Variants in MED26 observed in about 807,000 individuals in gnomAD.
MED26 encodes the protein mediator of RNA polymerase II transcription subunit 26.
Under a neutral mutation model 43.7 loss-of-function variants are expected in MED26, and 7 were observed. The ratio of observed to expected loss-of-function variants is 0.16; its 90% CI spans 0.09 to 0.30. The LOEUF is 0.30. Ranked by LOEUF, MED26 falls within the 10% of genes least tolerant of loss-of-function variation. MED26 has a pLI of 1.00. For synonymous variants in MED26, 375 were observed against 371.1 expected (o/e 1.01, Z -0.12); for missense variants, 784 against 840.6 (o/e 0.93, Z 0.83).
chr19:16,583,819 T>G (rs1305104723), intron 1 of MED26, among the ~76,000 whole-genome samples: 2 of 152,186 alleles, frequency 1.3e-5, no homozygotes, highest in African/African-American at 2.4e-5. Context: ...AACATTAATC[T>G]CGTCCTTCTG....
chr19:16,585,365 C>T (rs977839380), intron 1 of MED26, among the ~76,000 whole-genome samples: 6 of 152,168 alleles, frequency 3.9e-5, no homozygotes, highest in African/African-American at 1.4e-4. Context: ...GAGCCCAGGA[C>T]AGCCACCACC....
chr19:16,618,105 G>A (rs1161851884), intron 1 of MED26, among the ~76,000 whole-genome samples: 1 of 152,186 alleles, frequency 6.6e-6, no homozygotes, highest in East Asian at 1.9e-4. Context: ...CGGTTACCCA[G>A]AGGGGAGGCA....
intron 1 of MED26, among the ~76,000 whole-genome samples, chr19:16,590,557 C>A (rs1017848988): frequency 6.6e-6 from 1 of 152,200 alleles, no homozygotes; most frequent in African/African-American, 2.4e-5. Context: ...CTTTTCATTT[C>A]TGGCCTTGTA....
chr19:16,622,251 C>T (rs1443755121), intron 1 of MED26, among the ~76,000 whole-genome samples: 1 of 152,310 alleles, frequency 6.6e-6, no homozygotes. Context: ...CCCTGACTGC[C>T]GAGCCCACAT....
At chr19:16,590,207 G>T (rs2122400809) in intron 1 of MED26, among the ~76,000 whole-genome samples, 1 of 152,320 alleles carries the variant, frequency 6.6e-6, no homozygotes, top group African/African-American at 2.4e-5. Context: ...GCAGGGCACT[G>T]GGGTCTTGCC....
At chr19:16,626,456 A>C (rs942137162) in intron 1 of MED26, among the ~76,000 whole-genome samples, 1 of 152,212 alleles carries the variant, frequency 6.6e-6, no homozygotes, top group Non-Finnish European at 1.5e-5. Context: ...AAAATGTACA[A>C]TATAACATTT....
chr19:16,626,841 T>C (rs1245332540), intron 1 of MED26, among the ~76,000 whole-genome samples: 1 of 152,088 alleles, frequency 6.6e-6, no homozygotes, highest in Non-Finnish European at 1.5e-5. Context: ...CCTACCGCCC[T>C]GCTCCTGCCG....
Position 16,575,375 on chromosome 19 carries a change from T to A in MED26, c.*652A>T, listed in dbSNP as rs976909330. The A allele has an allele frequency of 1.3e-5, 2 of 152,666 alleles. No homozygotes were observed. The highest frequency in any genetic ancestry group is 3.8e-4 in the East Asian group (2 of 5,198). The allele number at this position is 152,666 out of a possible 1,614,324, so 9.5% of individuals were successfully genotyped here. ...CAGCATTTCTTTAAAAACTGGGTTA[T>A]AACTGAAACCAGATATAAACAGGTG... On this transcript the variant is annotated 3_prime_UTR_variant, in exon 3 of 3. Coordinates refer to ENST00000263390, the MANE Select transcript of MED26 (RefSeq NM_004831.5).
Position 16,577,808 on chromosome 19 carries a change from G to A in MED26, c.148-126C>T. On this transcript the variant is annotated intron_variant, in intron 2 of 2. Coordinates refer to ENST00000263390, the MANE Select transcript of MED26 (RefSeq NM_004831.5). The surrounding 1 kb of genome is among the most constrained non-coding windows in gnomAD (Gnocchi z 8.1). ...GTTCCCACTGAGCCCTAAACTGCCA[G>A]CTTCCCTGACACAAAACTTCTGGGG... is the stretch of plus-strand genomic sequence containing the variant. 1.5e-6 allele frequency: 1 copy of A among 656,164 alleles called. No homozygotes were observed. Among genetic ancestry groups the A allele is most frequent in the Non-Finnish European group, 2.5e-6 (1 of 400,546 alleles). The allele number at this position is 656,164 out of a possible 1,614,324, so 40.6% of individuals were successfully genotyped here. A position where few individuals can be genotyped will look rare whatever the true frequency, so the allele number is the denominator to read the frequency against.
intron 1 of MED26, chr19:16,597,586 G>A (rs953839268): frequency 5.0e-6 from 2 of 396,894 alleles, no homozygotes; most frequent in Non-Finnish European, 8.9e-6. Context: ...CACCAACACG[G>A]TCCTGAGTTC....
chr19:16,627,084 G>A (rs1467347845), intron 1 of MED26, among the ~76,000 whole-genome samples: 4 of 152,316 alleles, frequency 2.6e-5, no homozygotes, highest in Middle Eastern at 3.4e-3. Context: ...CCAGGTGAGG[G>A]AAAGAGCCTA....
At chr19:16,588,959 G>C (rs1172355841) in intron 1 of MED26, 1 of 152,378 alleles carries the variant, frequency 6.6e-6, no homozygotes, top group Non-Finnish European at 1.5e-5. Context: ...CTGGGAGGGG[G>C]CGTTAGGATC....
Position 16,578,407 on chromosome 19 carries a change from G to T in MED26, c.75C>A (p.Ile25=). ...CTTCCAGCACCGCCACCATGTTCCG[G>T]ATCTGTGGAAATAAAAAGCCATTTG... The part of the protein sequence containing the change: ...LLQAIDPQSN[I]RNMVAVLEVI... Residue 25 remains isoleucine, a splice_region_variant and synonymous_variant, in exon 2 of 3, where the codon ATC becomes ATA. Coordinates refer to ENST00000263390, the MANE Select transcript of MED26 (RefSeq NM_004831.5). The T allele has an allele frequency of 6.2e-7, 1 of 1,613,986 alleles. No individual in the cohort carries two copies. The highest frequency in any genetic ancestry group is 1.3e-5 in the African/African-American group (1 of 75,030).
At chr19:16,584,248 G>A (rs1281603292) in intron 1 of MED26, among the ~76,000 whole-genome samples, 2 of 145,644 alleles carry the variant, frequency 1.4e-5, no homozygotes, top group African/African-American at 2.5e-5. Flanking sequence ...GCAAGACTCC[G>A]TCTCAAAAAA....
chr19:16,627,824 T>C (rs1199660581), intron 1 of MED26, 48 bp downstream of exon 1: 1 of 1,399,628 alleles, frequency 7.1e-7, no homozygotes, highest in Non-Finnish European at 9.6e-7. Context: ...AGGGGGAGGG[T>C]CCCGGGCCCA....
chr19:16,607,707 A>T (rs565845503), intron 1 of MED26, among the ~76,000 whole-genome samples: 22 of 152,150 alleles, frequency 1.4e-4, no homozygotes, highest in Non-Finnish European at 2.5e-4. Flanking sequence ...ACAAATTCGT[A>T]AACTTTCTTA....
intron 1 of MED26, among the ~76,000 whole-genome samples, chr19:16,618,638 C>T (rs1056553687): frequency 1.1e-4 from 17 of 152,286 alleles, no homozygotes; most frequent in East Asian, 3.9e-4. Flanking sequence ...AACTATTTGG[C>T]GGTCACATCA....
intron 1 of MED26, 66 bp from the exon 2 acceptor site, chr19:16,578,475 C>T: frequency 6.9e-7 from 1 of 1,457,220 alleles, no homozygotes; most frequent in Non-Finnish European, 9.6e-7. Flanking sequence ...GAACACCCTG[C>T]CCCAGCCTGC....
At chr19:16,608,499 C>T (rs896040583) in intron 1 of MED26, among the ~76,000 whole-genome samples, 1 of 152,218 alleles carries the variant, frequency 6.6e-6, no homozygotes, top group Non-Finnish European at 1.5e-5. Flanking sequence ...GAGAGTATTT[C>T]CACCACAGAA....
Sources: allele counts gnomAD v4.1 joint callset (sites outside exome capture counted in the v4.1 genomes callset), GRCh38; gene constraint gnomAD v4.1.1; non-coding constraint Gnocchi (gnomAD v3.1); transcripts MANE v1.5; gene names NCBI Gene and HGNC (gene_info 2026-07-23, HGNC 2026-07-21).